Variants in CACNA2D3 observed in about 807,000 individuals in gnomAD.
CACNA2D3 encodes the protein voltage-dependent calcium channel subunit alpha-2/delta-3.
In CACNA2D3, 60 loss-of-function variants were observed where a neutral mutation model predicts 160.6. That is an observed-to-expected ratio of 0.37 (90% CI 0.30 to 0.46). CACNA2D3 has a LOEUF of 0.46. Ranked by LOEUF, CACNA2D3 falls within the 20% of genes least tolerant of loss-of-function variation. The pLI is 1.00. For synonymous variants in CACNA2D3, 558 were observed against 492.9 expected, an observed-to-expected ratio of 1.13 and a Z score of -1.75; for missense variants, 1,205 against 1,365.0, an observed-to-expected ratio of 0.88 and a Z score of 1.85.
At chr3:54,429,710 C>G (rs1223443390) in intron 4 of CACNA2D3, among the ~76,000 whole-genome samples, 3 of 152,154 alleles carry the variant, frequency 2.0e-5, no homozygotes, top group Admixed American at 1.3e-4. Context: ...CCTTGGTACC[C>G]AGCAATATGA....
intron 2 of CACNA2D3, among the ~76,000 whole-genome samples, chr3:54,300,160 G>A (rs949150455): frequency 2.6e-5 from 4 of 152,318 alleles, no homozygotes; most frequent in Middle Eastern, 6.8e-3. Context: ...TTAGATATTT[G>A]TTTAACTTTT....
At chr3:54,590,318 G>A (rs1459635248) in intron 9 of CACNA2D3, among the ~76,000 whole-genome samples, 1 of 152,046 alleles carries the variant, frequency 6.6e-6, no homozygotes, top group African/African-American at 2.4e-5. Context: ...AAATAAAAAA[G>A]CCAATATCAA....
chr3:54,812,910 C>G (rs1220380007), intron 13 of CACNA2D3, among the ~76,000 whole-genome samples: 2 of 152,168 alleles, frequency 1.3e-5, no homozygotes, highest in African/African-American at 4.8e-5. Flanking sequence ...AGCAAAAGAG[C>G]TAAAACTGAT....
intron 31 of CACNA2D3, among the ~76,000 whole-genome samples, chr3:54,995,166 G>T (rs1367223740): frequency 6.6e-6 from 1 of 152,012 alleles, no homozygotes; most frequent in Non-Finnish European, 1.5e-5. Flanking sequence ...TAGAGACAGG[G>T]TTTCGCCATG....
intron 4 of CACNA2D3, among the ~76,000 whole-genome samples, chr3:54,465,576 A>T (rs2106858079): frequency 6.6e-6 from 1 of 152,218 alleles, no homozygotes; most frequent in East Asian, 1.9e-4. Flanking sequence ...CTCTTGGTTT[A>T]TGTTCTGGGA....
At chr3:54,451,574 T>C (rs1226755518) in intron 4 of CACNA2D3, among the ~76,000 whole-genome samples, 1 of 152,172 alleles carries the variant, frequency 6.6e-6, no homozygotes, top group Non-Finnish European at 1.5e-5. Context: ...ACATGCCTAA[T>C]CTCTCCATAG....
At chr3:54,660,939 G>A (rs1021113758) in intron 11 of CACNA2D3, among the ~76,000 whole-genome samples, 2 of 152,188 alleles carry the variant, frequency 1.3e-5, no homozygotes, top group African/African-American at 4.8e-5. Context: ...AACAGCTGAG[G>A]TTGGTGACTG....
chr3:54,869,793 GT>G (rs1488361382), intron 17 of CACNA2D3, among the ~76,000 whole-genome samples: 1 of 152,208 alleles, frequency 6.6e-6, no homozygotes, highest in Non-Finnish European at 1.5e-5. Flanking sequence ...GTTCTTTTCT[GT>G]TCAGCCCAAG....
intron 2 of CACNA2D3, among the ~76,000 whole-genome samples, chr3:54,260,870 A>G (rs1476866393): frequency 6.6e-6 from 1 of 152,166 alleles, no homozygotes; most frequent in Non-Finnish European, 1.5e-5. Context: ...GGAGCTTGCC[A>G]TAACCAGGCA....
intron 11 of CACNA2D3, among the ~76,000 whole-genome samples, chr3:54,674,941 A>G (rs1287090320): frequency 6.6e-6 from 1 of 152,156 alleles, no homozygotes; most frequent in African/African-American, 2.4e-5. Flanking sequence ...TAGGATTTTA[A>G]TATCACTAAG....
At chr3:54,998,118 CAATT>C (rs1163452822) in intron 31 of CACNA2D3, among the ~76,000 whole-genome samples, 26 of 147,074 alleles carry the variant, frequency 1.8e-4, no homozygotes, top group African/African-American at 2.3e-4. Flanking sequence ...AGAAAGTAAT[CAATT>C]AATTCTTTTT....
Position 54,663,090 on chromosome 3 carries a change from C to T in CACNA2D3, c.1167+20849C>T, listed in dbSNP as rs535803805. ...AACAAGGTGAATGAGTCAGAACACC[C>T]GCAAAAAGACCTTGATGGGACATGA... On this transcript the variant is annotated intron_variant, in intron 11 of 37. Transcript: ENST00000474759. Among the ~76,000 whole-genome samples the T allele has an allele frequency of 2.6e-5, 4 of 152,236 alleles. No homozygotes were observed. In the South Asian group the frequency reaches 6.2e-4, roughly 24 times the overall value.
At chr3:54,908,489 G>A (rs1700491697) in intron 27 of CACNA2D3, among the ~76,000 whole-genome samples, 1 of 152,190 alleles carries the variant, frequency 6.6e-6, no homozygotes, top group African/African-American at 2.4e-5. Flanking sequence ...GCTGAGTCAG[G>A]TAGATTGCTT....
chr3:54,986,287 T>C (rs1702611398), intron 30 of CACNA2D3, among the ~76,000 whole-genome samples: 1 of 152,138 alleles, frequency 6.6e-6, no homozygotes, highest in Non-Finnish European at 1.5e-5. Context: ...TATGTCTCCA[T>C]GGAATAAGCC....
intron 9 of CACNA2D3, among the ~76,000 whole-genome samples, chr3:54,592,932 C>T (rs1702888670): frequency 1.3e-5 from 2 of 152,092 alleles, no homozygotes; most frequent in Admixed American, 1.3e-4. Flanking sequence ...AACTTCCTAC[C>T]TTCTCTGGCC....
At chr3:54,473,206 C>A (rs1486977796) in intron 4 of CACNA2D3, among the ~76,000 whole-genome samples, 1 of 152,102 alleles carries the variant, frequency 6.6e-6, no homozygotes, top group African/African-American at 2.4e-5. Flanking sequence ...TGAAACAGAA[C>A]AGAGGCCTCC....
intron 2 of CACNA2D3, among the ~76,000 whole-genome samples, chr3:54,146,944 C>T (rs564811178): frequency 1.1e-3 from 162 of 152,342 alleles, no homozygotes; most frequent in African/African-American, 3.7e-3. Context: ...GCCAAGGCTG[C>T]GGCTGAAGGC....
At chr3:54,348,600 T>C (rs1007991704) in intron 3 of CACNA2D3, among the ~76,000 whole-genome samples, 5 of 152,274 alleles carry the variant, frequency 3.3e-5, no homozygotes, top group Non-Finnish European at 5.9e-5. Context: ...CTTATTTCTT[T>C]GGCCGTAACT....
At chr3:54,355,767 A>G (rs1448072720) in intron 3 of CACNA2D3, among the ~76,000 whole-genome samples, 2 of 152,200 alleles carry the variant, frequency 1.3e-5, no homozygotes, top group Admixed American at 1.3e-4. Context: ...TATGGATGGT[A>G]TATTAAGTCA....
Sources: allele counts gnomAD v4.1 joint callset (sites outside exome capture counted in the v4.1 genomes callset), GRCh38; gene constraint gnomAD v4.1.1; transcripts MANE v1.5; gene names NCBI Gene and HGNC (gene_info 2026-07-23, HGNC 2026-07-21).